The following FBXL7 variants were observed in gnomAD, a reference collection of about 807,000 sequenced individuals.
FBXL7 encodes the protein F-box/LRR-repeat protein 7.
Under a neutral mutation model 38.3 loss-of-function variants are expected in FBXL7, and 12 were observed. The ratio of observed to expected loss-of-function variants is 0.31; its 90% CI spans 0.20 to 0.51. FBXL7 has a LOEUF of 0.51. Among genes scored for constraint, FBXL7 ranks in the 20% least tolerant of loss-of-function variants. The probability of loss-of-function intolerance (pLI) is 0.98; values close to 1 mark genes in which losing one functional copy is unlikely to be tolerated. For synonymous variants in FBXL7, 297 were observed against 300.9 expected (o/e 0.99, Z 0.13); for missense variants, 567 against 676.4 (o/e 0.84, Z 1.79).
intron 2 of FBXL7, among the ~76,000 whole-genome samples, chr5:15,617,283 G>A (rs1244490974): frequency 6.6e-6 from 1 of 152,146 alleles, no homozygotes; most frequent in Non-Finnish European, 1.5e-5. Context: ...GCAGATTGGA[G>A]TGTTCTTTCT....
chr5:15,841,081 AT>A (rs1386809066), intron 2 of FBXL7, among the ~76,000 whole-genome samples: 1 of 151,968 alleles, frequency 6.6e-6, no homozygotes, highest in Non-Finnish European at 1.5e-5. Context: ...TACCCTTGAA[AT>A]TTTTTTGTGT....
chr5:15,742,578 T>C (rs1462342580), intron 2 of FBXL7, among the ~76,000 whole-genome samples: 2 of 152,216 alleles, frequency 1.3e-5, no homozygotes, highest in African/African-American at 4.8e-5. Flanking sequence ...CCTATGCTGA[T>C]GAACAGGTAG....
At chr5:15,552,345 C>G (rs1431762204) in intron 1 of FBXL7, among the ~76,000 whole-genome samples, 1 of 152,204 alleles carries the variant, frequency 6.6e-6, no homozygotes, top group East Asian at 1.9e-4. Context: ...TCACTGACCA[C>G]TGGACACCCT....
chr5:15,572,119 A>G (rs1035057791), intron 1 of FBXL7, among the ~76,000 whole-genome samples: 3 of 152,172 alleles, frequency 2.0e-5, no homozygotes, highest in Non-Finnish European at 4.4e-5. Context: ...TTTGGGTATC[A>G]GAGCTCCTGG....
intron 2 of FBXL7, among the ~76,000 whole-genome samples, chr5:15,679,488 A>T (rs1341299360): frequency 6.6e-6 from 1 of 150,958 alleles, no homozygotes; most frequent in African/African-American, 2.4e-5. Context: ...CATCCTGGTG[A>T]CTTTGCTGAG....
chr5:15,519,430 A>T (rs1022227132), intron 1 of FBXL7, among the ~76,000 whole-genome samples: 1 of 151,444 alleles, frequency 6.6e-6, no homozygotes, highest in Admixed American at 6.6e-5. Context: ...ATATTCTGCC[A>T]GAGACTTAGA....
chr5:15,628,712 G>A (rs1197210400), intron 2 of FBXL7, among the ~76,000 whole-genome samples: 1 of 151,940 alleles, frequency 6.6e-6, no homozygotes. Flanking sequence ...ATTAATTTAT[G>A]CACTGTATAT....
chr5:15,727,743 TA>T (rs1286922874), intron 2 of FBXL7, among the ~76,000 whole-genome samples: 1 of 152,180 alleles, frequency 6.6e-6, no homozygotes. Flanking sequence ...GGTTCTTAGA[TA>T]TTTATATTCA....
intron 2 of FBXL7, among the ~76,000 whole-genome samples, chr5:15,766,459 A>G (rs533155525): frequency 1.3e-5 from 2 of 152,320 alleles, no homozygotes; most frequent in East Asian, 3.9e-4. Context: ...AATTAGCTCT[A>G]CAGAACTGGC....
intron 1 of FBXL7, among the ~76,000 whole-genome samples, chr5:15,502,981 A>G (rs1171408036): frequency 6.6e-6 from 1 of 152,248 alleles, no homozygotes; most frequent in Non-Finnish European, 1.5e-5. Context: ...CCATGAGTGC[A>G]TAACAATAAA....
intron 2 of FBXL7, among the ~76,000 whole-genome samples, chr5:15,666,759 T>C (rs988895769): frequency 1.3e-5 from 2 of 152,206 alleles, no homozygotes; most frequent in Non-Finnish European, 2.9e-5. Context: ...TTATTCACTT[T>C]TGGATTTGCA....
intron 3 of FBXL7, among the ~76,000 whole-genome samples, chr5:15,934,041 G>A (rs1336217981): frequency 6.6e-6 from 1 of 152,162 alleles, no homozygotes; most frequent in Non-Finnish European, 1.5e-5. Context: ...GTCTTGCCCT[G>A]TCACCTAGGC....
At chr5:15,921,750 A>G (rs1304805509) in intron 2 of FBXL7, among the ~76,000 whole-genome samples, 4 of 152,240 alleles carry the variant, frequency 2.6e-5, no homozygotes, top group African/African-American at 9.6e-5. Context: ...AAGGTGCTCA[A>G]TATCACTAAT....
intron 2 of FBXL7, among the ~76,000 whole-genome samples, chr5:15,887,316 G>C (rs1740718120): frequency 6.6e-6 from 1 of 152,188 alleles, no homozygotes. Flanking sequence ...AGTCATGGCA[G>C]TCAGCACTGT....
chr5:15,841,235 T>G (rs1356011836), intron 2 of FBXL7, among the ~76,000 whole-genome samples: 1 of 152,188 alleles, frequency 6.6e-6, no homozygotes, highest in Admixed American at 6.5e-5. Flanking sequence ...TAATGTTGAA[T>G]AGTCAGAATG....
rs550227923 is a variant in FBXL7, at chr5:15,567,536, G to A, written c.38-48447G>A. Among the ~76,000 whole-genome samples the A allele has an allele frequency of 5.9e-5, 9 of 152,002 alleles. No individual in the cohort carries two copies. In the East Asian group the frequency reaches 7.7e-4, roughly 13 times the overall value. On this transcript the variant is annotated intron_variant, in intron 1 of 3. Coordinates refer to ENST00000504595, the MANE Select transcript of FBXL7 (RefSeq NM_012304.5). ...TCAGTGACCGTTACTTGGGAATCTAGATAATTTTCACTGAGAACCTTTTGC... is the reference window on the plus strand; with the variant it reads ...TCAGTGACCGTTACTTGGGAATCTAAATAATTTTCACTGAGAACCTTTTGC...
chr5:15,805,447 C>T lies in FBXL7; in HGVS notation c.128-122443C>T, dbSNP rs193068197. Among the ~76,000 whole-genome samples the T allele has an allele frequency of 3.3e-5, 5 of 152,272 alleles. No homozygotes were observed. The East Asian group carries it at 7.7e-4, about 23-fold the overall frequency. ...GAATTTGGAGTTTATCTTAAAATAT[C>T]ATATTGAAACCTAACTTTCTAATTT... On this transcript the variant is annotated intron_variant, in intron 2 of 3. Coordinates refer to ENST00000504595, the MANE Select transcript of FBXL7 (RefSeq NM_012304.5).
At position 15,859,732 on chromosome 5, in the gene FBXL7, T is replaced by G. The variant is rs143813603; in HGVS notation, c.128-68158T>G. Among the ~76,000 whole-genome samples the G allele has an allele frequency of 9.1e-4, 139 of 152,236 alleles. 3 individuals carry two copies. In the East Asian group the frequency reaches 0.025, roughly 28 times the overall value. On this transcript the variant is annotated intron_variant, in intron 2 of 3. Transcript: ENST00000504595. The stretch of plus-strand genomic sequence containing the variant: ...CTCCCATCAGGTCCCTCCCACGACA[T>G]GTAGGGATTACGGGAACAACAGTTC...
At chr5:15,853,834 A>G (rs1328451695) in intron 2 of FBXL7, among the ~76,000 whole-genome samples, 1 of 152,196 alleles carries the variant, frequency 6.6e-6, no homozygotes, top group Non-Finnish European at 1.5e-5. Context: ...TTTTAGAAAA[A>G]TCAGTGCAGT....
Sources: gnomAD v4.1 joint callset for allele counts (sites outside exome capture counted in the v4.1 genomes callset) on GRCh38, gnomAD v4.1.1 for gene constraint, MANE v1.5 for transcripts, NCBI Gene and HGNC (gene_info 2026-07-23, HGNC 2026-07-21) for gene names.